Variants in DACH2 observed in about 807,000 individuals in gnomAD.
DACH2 encodes the protein dachshund family transcription factor 2.
Under a neutral mutation model 35.8 loss-of-function variants are expected in DACH2, and 17 were observed. The ratio of observed to expected loss-of-function variants is 0.48; its 90% CI spans 0.33 to 0.71. DACH2 has a LOEUF of 0.71. Ranked by LOEUF, DACH2 falls within the 30% of genes least tolerant of loss-of-function variation. The pLI is 0.02. For synonymous variants in DACH2, 195 were observed against 177.3 expected (o/e 1.10, Z -0.79); for missense variants, 469 against 472.7 (o/e 0.99, Z 0.07).
chrX:86,494,917 A>G (rs749505856), intron 2 of DACH2, among the ~76,000 whole-genome samples: 1 of 113,101 alleles, frequency 8.8e-6, no homozygotes, highest in African/African-American at 3.2e-5. Flanking sequence ...TAGTGGTCGC[A>G]TTTAAAAAGT....
At chrX:86,809,065 A>G (rs1293539414) in intron 7 of DACH2, among the ~76,000 whole-genome samples, 1 of 111,892 alleles carries the variant, frequency 8.9e-6, no homozygotes, top group East Asian at 2.8e-4. Context: ...ATTACAAAGT[A>G]TGGCAGGTTT....
chrX:86,248,034 T>A (rs1248650069), intron 1 of DACH2, among the ~76,000 whole-genome samples: 4 of 110,456 alleles, frequency 3.6e-5, no homozygotes, highest in African/African-American at 1.3e-4. Context: ...ATTAAAAAAA[T>A]ACCTCAAAAT....
chrX:86,273,265 A>G (rs1181409028), intron 1 of DACH2, among the ~76,000 whole-genome samples: 4 of 111,840 alleles, frequency 3.6e-5, no homozygotes, highest in East Asian at 2.8e-4. Context: ...TTAACGTTCA[A>G]TTAGCTCTAT....
intron 7 of DACH2, among the ~76,000 whole-genome samples, chrX:86,740,608 A>T (rs2041645291): frequency 9.8e-6 from 1 of 102,281 alleles, no homozygotes; most frequent in Admixed American, 1.1e-4. Context: ...TTTTCTCAGA[A>T]GCCTTACACC....
At chrX:86,315,166 A>G (rs1162912514) in intron 1 of DACH2, among the ~76,000 whole-genome samples, 1 of 112,013 alleles carries the variant, frequency 8.9e-6, no homozygotes, top group Non-Finnish European at 1.9e-5. Context: ...TACCATTCTG[A>G]AAATCTTAAG....
chrX:86,436,242 G>A (rs1240484976), intron 2 of DACH2, among the ~76,000 whole-genome samples: 1 of 110,477 alleles, frequency 9.1e-6, no homozygotes, highest in Admixed American at 9.7e-5. Flanking sequence ...ATTAATTCAA[G>A]GGCATAACTG....
chrX:86,692,159 G>T (rs952065614), intron 4 of DACH2, among the ~76,000 whole-genome samples: 3 of 111,611 alleles, frequency 2.7e-5, no homozygotes, highest in Non-Finnish European at 5.6e-5. Flanking sequence ...CCGTTACATT[G>T]CAGGATAATA....
chrX:86,404,508 C>T (rs1207987706), intron 2 of DACH2, among the ~76,000 whole-genome samples: 1 of 112,363 alleles, frequency 8.9e-6, no homozygotes, highest in Admixed American at 9.4e-5. Context: ...GGACTCCACT[C>T]CATGTCTCAC....
intron 3 of DACH2, among the ~76,000 whole-genome samples, chrX:86,623,840 G>A (rs747851543): frequency 1.0e-5 from 1 of 96,478 alleles, no homozygotes; most frequent in Non-Finnish European, 2.2e-5. Flanking sequence ...ACGAGGTCAG[G>A]AGATCGAGAC....
chrX:86,588,865 C>T lies in DACH2; in HGVS notation c.641-62171C>T, dbSNP rs778735255. Among the ~76,000 whole-genome samples the T allele has an allele frequency of 8.7e-4, 97 of 111,184 alleles. 1 individual carries two copies. Among genetic ancestry groups the T allele is most frequent in the South Asian group, 2.6e-3 (7 of 2,658 alleles). Reference sequence around the variant, plus strand: ...GATGATTTTATGTTTCTTTCTCTTGCATGATTGCCGTGGCTAGGACTTTCA... The same window carrying T: ...GATGATTTTATGTTTCTTTCTCTTGTATGATTGCCGTGGCTAGGACTTTCA... On this transcript the variant is annotated intron_variant, in intron 3 of 11. Coordinates refer to ENST00000373125, the MANE Select transcript of DACH2 (RefSeq NM_053281.3).
chrX:86,413,658 A>C (rs1260955414), intron 2 of DACH2, among the ~76,000 whole-genome samples: 1 of 110,531 alleles, frequency 9.0e-6, no homozygotes, highest in Non-Finnish European at 1.9e-5. Flanking sequence ...TTGATTTACT[A>C]TTTTTCTAGG....
At chrX:86,640,620 C>T (rs1410243613) in intron 3 of DACH2, among the ~76,000 whole-genome samples, 1 of 110,780 alleles carries the variant, frequency 9.0e-6, no homozygotes, top group Admixed American at 9.7e-5. Flanking sequence ...ACACTGAGAT[C>T]GCCTAGGAAC....
intron 1 of DACH2, among the ~76,000 whole-genome samples, chrX:86,233,621 G>C (rs1327661576): frequency 4.5e-5 from 5 of 111,711 alleles, no homozygotes; most frequent in Non-Finnish European, 9.4e-5. Context: ...CTCTGGGAGA[G>C]TTTCAGGTAG....
intron 2 of DACH2, among the ~76,000 whole-genome samples, chrX:86,434,904 G>A (rs2037042774): frequency 9.0e-6 from 1 of 111,053 alleles, no homozygotes; most frequent in South Asian, 3.8e-4. Context: ...ACATCGCATA[G>A]CAAAAGCAGG....
chrX:86,492,218 C>T (rs753983846), intron 2 of DACH2, among the ~76,000 whole-genome samples: 1 of 110,554 alleles, frequency 9.0e-6, no homozygotes, highest in African/African-American at 3.3e-5. Flanking sequence ...AATTCTTCCA[C>T]GTCTGTGTTT....
chrX:86,745,760 G>A (rs1420060213), intron 7 of DACH2, among the ~76,000 whole-genome samples: 1 of 111,595 alleles, frequency 9.0e-6, no homozygotes, highest in Non-Finnish European at 1.9e-5. Flanking sequence ...CCAATAATGG[G>A]ATTGCTGGCT....
chrX:86,438,104 G>C lies in DACH2; in HGVS notation c.527+61242G>C, dbSNP rs190371896. Among the ~76,000 whole-genome samples, 8 of 108,663 alleles carry C rather than the reference G, an allele frequency of 7.4e-5. No individual in the cohort carries two copies. The East Asian group carries it at 2.3e-3, about 32-fold the overall frequency. The allele number at this position is 108,663 out of a possible 115,157, so 94.4% of individuals were successfully genotyped here. ...TGTGTCCATATGTTCTTATCATTTA[G>C]CTCCCACTTACAAGTGAGAACATCT... On this transcript the variant is annotated intron_variant, in intron 2 of 11. Transcript: ENST00000373125.
At chrX:86,711,747 A>T (rs781221373) in intron 5 of DACH2, among the ~76,000 whole-genome samples, 8 of 112,446 alleles carry the variant, frequency 7.1e-5, no homozygotes, top group Non-Finnish European at 1.5e-4. Context: ...AGTCTAGGGC[A>T]TTACGGTCAA....
chrX:86,161,438 C>T, intron 1 of DACH2: 1 of 506,195 alleles, frequency 2.0e-6, no homozygotes, highest in Non-Finnish European at 3.0e-6. Context: ...TTTAACACAC[C>T]TTCCTGTGTT....
Sources: allele counts gnomAD v4.1 joint callset (sites outside exome capture counted in the v4.1 genomes callset), GRCh38; gene constraint gnomAD v4.1.1; transcripts MANE v1.5; gene names NCBI Gene and HGNC (gene_info 2026-07-23, HGNC 2026-07-21).